Variants in MARCHF3 observed in about 807,000 individuals in gnomAD.
The protein encoded by MARCHF3 is E3 ubiquitin-protein ligase MARCHF3.
Under a neutral mutation model 24.2 loss-of-function variants are expected in MARCHF3, and 13 were observed. The ratio of observed to expected loss-of-function variants is 0.54; its 90% CI spans 0.35 to 0.85. The LOEUF is 0.85. Among genes scored for constraint, MARCHF3 ranks in the 40% least tolerant of loss-of-function variants. The probability of loss-of-function intolerance (pLI) is 0.01; values close to 1 mark genes in which losing one functional copy is unlikely to be tolerated. For missense variants in MARCHF3, 276 were observed against 325.0 expected (o/e 0.85, Z 1.16); for synonymous variants, 144 against 137.3 (o/e 1.05, Z -0.34).
At chr5:126,936,055 T>A (rs896670857) in intron 1 of MARCHF3, among the ~76,000 whole-genome samples, 1 of 152,172 alleles carries the variant, frequency 6.6e-6, no homozygotes, top group Non-Finnish European at 1.5e-5. Flanking sequence ...TAATCTATAA[T>A]CCCTGCTACA....
intron 3 of MARCHF3, among the ~76,000 whole-genome samples, chr5:126,884,959 A>T (rs2126771506): frequency 6.6e-6 from 1 of 152,296 alleles, no homozygotes; most frequent in East Asian, 1.9e-4. Flanking sequence ...CCCTGACTTC[A>T]TCCCTTCCTA....
intron 1 of MARCHF3, among the ~76,000 whole-genome samples, chr5:126,955,192 C>T (rs1423916429): frequency 6.6e-6 from 1 of 152,118 alleles, no homozygotes; most frequent in Non-Finnish European, 1.5e-5. Flanking sequence ...AGAAATGTTC[C>T]GGTGGCTGGG....
At chr5:126,922,509 G>A (rs188163319) in intron 1 of MARCHF3, among the ~76,000 whole-genome samples, 1,265 of 125,546 alleles carry the variant, frequency 0.01, 18 homozygotes, top group East Asian at 0.036. Flanking sequence ...TCTCATTTCT[G>A]TCTTTTATTT....
chr5:126,958,870 T>C (rs1750541181), intron 1 of MARCHF3, among the ~76,000 whole-genome samples: 1 of 152,144 alleles, frequency 6.6e-6, no homozygotes, highest in African/African-American at 2.4e-5. Context: ...CTACCACTAA[T>C]GACCAACAGT....
At chr5:126,910,484 C>A (rs1754478687) in intron 3 of MARCHF3, among the ~76,000 whole-genome samples, 1 of 152,224 alleles carries the variant, frequency 6.6e-6, no homozygotes, top group Non-Finnish European at 1.5e-5. Flanking sequence ...TGTGAGAAGT[C>A]AGGGACCCTG....
intron 4 of MARCHF3, among the ~76,000 whole-genome samples, chr5:126,874,268 C>T (rs947080446): frequency 2.0e-5 from 3 of 152,094 alleles, no homozygotes; most frequent in Non-Finnish European, 4.4e-5. Flanking sequence ...GAGGTGACTG[C>T]GGCTGGGGCA....
chr5:126,992,520 C>T (rs1051267904), intron 1 of MARCHF3, among the ~76,000 whole-genome samples: 5 of 152,108 alleles, frequency 3.3e-5, no homozygotes, highest in Non-Finnish European at 5.9e-5. Context: ...ACAAAAACTC[C>T]GTTGAGTTTT....
intron 3 of MARCHF3, among the ~76,000 whole-genome samples, chr5:126,897,834 G>GA (rs1274931547): frequency 1.3e-5 from 2 of 151,570 alleles, no homozygotes; most frequent in Non-Finnish European, 2.9e-5. Context: ...GGATGTTGAG[G>GA]AAAAAAAATC....
At chr5:126,883,379 T>C (rs1753402816) in intron 3 of MARCHF3, among the ~76,000 whole-genome samples, 1 of 152,218 alleles carries the variant, frequency 6.6e-6, no homozygotes, top group African/African-American at 2.4e-5. Context: ...GATCATGCTG[T>C]TGAAAGCCCC....
intron 3 of MARCHF3, among the ~76,000 whole-genome samples, chr5:126,897,950 C>T (rs1021055790): frequency 2.0e-5 from 3 of 151,954 alleles, no homozygotes; most frequent in African/African-American, 7.3e-5. Flanking sequence ...CACAAAGGTC[C>T]ACATACTGTA....
chr5:126,878,338 C>G lies in MARCHF3; in HGVS notation c.450G>C (p.Val150=). The G allele has an allele frequency of 6.2e-7, 1 of 1,614,196 alleles. No individual in the cohort carries two copies. The change falls in exon 4 of 5, where the codon GTG becomes GTC. Residue 150 remains valine, a synonymous_variant. Coordinates refer to ENST00000308660, the MANE Select transcript of MARCHF3 (RefSeq NM_178450.5). Reference sequence around the variant, plus strand: ...CCAGGGGAGTTATAAACAAGAAGCACACCATGTCGCCAAACAGAGTCCGCT... The same window carrying G: ...CCAGGGGAGTTATAAACAAGAAGCAGACCATGTCGCCAAACAGAGTCCGCT... ...HEKRTLFGDM[V]CFLFITPLAT...
rs755093590 is a variant in MARCHF3 at position 126,972,403 on chromosome 5, C to T, written c.-56-54176G>A. The stretch of plus-strand genomic sequence containing the variant: ...TTCATTCATAATCACTACTGTGCTT[C>T]GTTTCTGGGCAAGGTAGTCTGATGA... On this transcript the variant is annotated intron_variant, in intron 1 of 4. Transcript: ENST00000308660. 4.6e-5 allele frequency among the ~76,000 whole-genome samples: 7 copies of T among 152,192 alleles called. 1 individual carries two copies. The South Asian group carries it at 1.5e-3, about 32-fold the overall frequency.
At chr5:126,990,598 G>A (rs562551210) in intron 1 of MARCHF3, among the ~76,000 whole-genome samples, 7 of 152,308 alleles carry the variant, frequency 4.6e-5, no homozygotes, top group African/African-American at 1.7e-4. Flanking sequence ...ACTACCATCA[G>A]AGTGAACAGG....
At chr5:126,924,439 G>A (rs1749227830) in intron 1 of MARCHF3, among the ~76,000 whole-genome samples, 1 of 152,196 alleles carries the variant, frequency 6.6e-6, no homozygotes, top group Admixed American at 6.5e-5. Flanking sequence ...GTCTGTCCAG[G>A]AACTTTCCTC....
chr5:127,025,631 G>A (rs1752969433), intron 1 of MARCHF3, among the ~76,000 whole-genome samples: 1 of 152,150 alleles, frequency 6.6e-6, no homozygotes, highest in Admixed American at 6.5e-5. Context: ...CTTGTATCAG[G>A]AGAGTGTCTG....
chr5:126,957,458 C>T (rs1303074728), intron 1 of MARCHF3, among the ~76,000 whole-genome samples: 4 of 152,062 alleles, frequency 2.6e-5, no homozygotes, highest in African/African-American at 9.7e-5. Flanking sequence ...CTAGATTTTT[C>T]TATAGCTTTA....
intron 1 of MARCHF3, among the ~76,000 whole-genome samples, chr5:127,021,435 A>G (rs1752803098): frequency 6.6e-6 from 1 of 152,270 alleles, no homozygotes; most frequent in Non-Finnish European, 1.5e-5. Context: ...AGCAGAAAAT[A>G]TAATACACAC....
intron 3 of MARCHF3, among the ~76,000 whole-genome samples, chr5:126,901,443 T>C (rs564256051): frequency 3.3e-5 from 5 of 152,210 alleles, no homozygotes; most frequent in East Asian, 1.9e-4. Context: ...CAAACAGGCA[T>C]AGCAGGTCTC....
At chr5:127,018,077 A>G (rs1390587949) in intron 1 of MARCHF3, among the ~76,000 whole-genome samples, 3 of 152,224 alleles carry the variant, frequency 2.0e-5, no homozygotes, top group East Asian at 1.9e-4. Context: ...AGCAAATTAC[A>G]TAAGATTGTG....
Sources: gnomAD v4.1 joint callset for allele counts (sites outside exome capture counted in the v4.1 genomes callset) on GRCh38, gnomAD v4.1.1 for gene constraint, MANE v1.5 for transcripts, NCBI Gene and HGNC (gene_info 2026-07-23, HGNC 2026-07-21) for gene names.